Variants in HSF1 observed in about 807,000 individuals in gnomAD.
HSF1 encodes the protein heat shock transcription factor 1.
In HSF1, 32 loss-of-function variants were observed where a neutral mutation model predicts 51.7. That is an observed-to-expected ratio of 0.62 (90% CI 0.47 to 0.83). HSF1 has a LOEUF of 0.83. Ranked by LOEUF, HSF1 falls within the 40% of genes least tolerant of loss-of-function variation. The probability of loss-of-function intolerance (pLI) is 0.00; values close to 1 mark genes in which losing one functional copy is unlikely to be tolerated. For missense variants in HSF1, 727 were observed against 717.0 expected (o/e 1.01, Z -0.16); for synonymous variants, 396 against 309.7 (o/e 1.28, Z -2.92).
At position 144,313,533 on chromosome 8, in the gene HSF1, G is replaced by C. The variant is rs1554845482; in HGVS notation, c.1165G>C (p.Asp389His). The change falls in exon 10 of 13, where the codon GAT becomes CAT. Residue 389 changes from aspartate to histidine, a missense_variant. Physicochemically the swap from Asp to His is moderately conservative, Grantham distance 81. This residue lies in a region of HSF1 where 470 missense variants were observed against 398.8 expected (regional missense o/e 1.18). Coordinates refer to ENST00000528838, the MANE Select transcript of HSF1 (RefSeq NM_005526.4). ...LDKNELSDHL[D>H]AMDSNLDNLQ... is the part of the protein sequence containing the mutation. ...CAGGAATGAGCTCAGTGACCACTTG[G>C]ATGCTATGGACTCCAACCTGGATAA... The C allele has an allele frequency of 3.7e-6, 6 of 1,611,840 alleles. No homozygotes were observed. Among genetic ancestry groups the C allele is most frequent in the Non-Finnish European group, 8.5e-7 (1 of 1,178,990 alleles).
At chr8:144,307,303 G>A (rs1279095177) in intron 1 of HSF1, among the ~76,000 whole-genome samples, 2 of 152,254 alleles carry the variant, frequency 1.3e-5, no homozygotes, top group Admixed American at 6.5e-5. Context: ...TAGGTCAGAT[G>A]CTGACAGTCC....
chr8:144,296,124 G>A (rs1193247059), intron 1 of HSF1, among the ~76,000 whole-genome samples: 1 of 152,210 alleles, frequency 6.6e-6, no homozygotes, highest in African/African-American at 2.4e-5. Context: ...GAGGGTCTCT[G>A]GGTGGACAAT....
rs1554843869 is a variant in HSF1 at position 144,309,442 on chromosome 8, C to T, written c.227-13C>T. On this transcript the variant is annotated splice_polypyrimidine_tract_variant and intron_variant, in intron 2 of 12. Coordinates refer to ENST00000528838, the MANE Select transcript of HSF1 (RefSeq NM_005526.4). Reference sequence around the variant, plus strand: ...CCCTGAGGCAGAGCTGCCCCCTTCCCTGTTATGTGCAGATGGCTTCCGGAA... The same window carrying T: ...CCCTGAGGCAGAGCTGCCCCCTTCCTTGTTATGTGCAGATGGCTTCCGGAA... 2 of 1,613,650 alleles carry T rather than the reference C, an allele frequency of 1.2e-6. No homozygotes were observed. Among genetic ancestry groups the T allele is most frequent in the Non-Finnish European group, 1.7e-6 (2 of 1,179,924 alleles).
At chr8:144,312,731 G>A in intron 9 of HSF1, 1 of 1,532,050 alleles carries the variant, frequency 6.5e-7, no homozygotes, top group South Asian at 1.2e-5. Context: ...GACCCCACTG[G>A]GGAGGGAGGA....
In HSF1 at chr8:144,314,159, G is replaced by T; in HGVS notation, c.1419G>T (p.Leu473=). The part of the protein sequence containing the change: ...KQLVHYTAQP[L]FLLDPGSVDT... The stretch of plus-strand genomic sequence containing the variant: ...TGGTGCACTACACAGCGCAGCCGCT[G>T]TTCCTGCTGGACCCCGGCTCCGTGG... Residue 473 remains leucine (L), a synonymous_variant, in exon 13 of 13, where the codon CTG becomes CTT. Transcript: ENST00000528838. The T allele has an allele frequency of 6.5e-7, 1 of 1,546,614 alleles. No individual in the cohort carries two copies. The highest frequency in any genetic ancestry group is 1.2e-5 in the South Asian group (1 of 83,948).
chr8:144,310,836 G>C (rs137935564), intron 4 of HSF1: 1 of 365,018 alleles, frequency 2.7e-6, no homozygotes, highest in African/African-American at 2.1e-5. Context: ...CCTTGGAAGG[G>C]CGGCCCAAGG....
rs1170616819 is a variant in HSF1, at chr8:144,291,607, T to C, written c.-151T>C. ...GCGGCGGCGGCGGGAGCGCGCCCGT[T>C]GCAAGATGGCGGCGGCCATGCTGGG... is the stretch of plus-strand genomic sequence containing the variant. On this transcript the variant is annotated 5_prime_UTR_variant, in exon 1 of 13. Transcript: ENST00000528838. The surrounding 1 kb of genome is among the most constrained non-coding windows in gnomAD (Gnocchi z 4.1). 14 of 333,222 alleles carry C rather than the reference T, an allele frequency of 4.2e-5. No homozygotes were observed. The highest frequency in any genetic ancestry group is 6.8e-5 in the Non-Finnish European group (14 of 206,764). 20.6% of individuals were successfully genotyped at this position (333,222 alleles called of 1,614,324 possible).
Position 144,313,849 on chromosome 8 carries a change from T to A in HSF1, c.1252T>A (p.Phe418Ile). ...GACTTCCCTCCCTCCTCCGCAGCTG[T>A]TCAGCCCCTCGGTGACCGTGCCCGA... ...SVDTSALLDL[F>I]SPSVTVPDMS... The change falls in exon 11 of 13, where the codon TTC becomes ATC. Residue 418 changes from phenylalanine (F) to isoleucine (I), a missense_variant. Around this residue, in one of 2 missense-constraint regions of HSF1, gnomAD observed 470 missense variants for 398.8 expected, o/e 1.18. Transcript: ENST00000528838. 6.3e-7 allele frequency: 1 copy of A among 1,580,048 alleles called. No homozygotes were observed. The highest frequency in any genetic ancestry group is 8.6e-7 in the Non-Finnish European group (1 of 1,168,024).
Position 144,313,842 on chromosome 8 carries a change from G to T in HSF1, c.1249-4G>T. The T allele has an allele frequency of 6.4e-7, 1 of 1,574,172 alleles. No individual in the cohort carries two copies. On this transcript the variant is annotated splice_region_variant and splice_polypyrimidine_tract_variant and intron_variant, in intron 10 of 12. Transcript: ENST00000528838. ...CTGTTCTGACTTCCCTCCCTCCTCCGCAGCTGTTCAGCCCCTCGGTGACCG... is the reference window on the plus strand; with the variant it reads ...CTGTTCTGACTTCCCTCCCTCCTCCTCAGCTGTTCAGCCCCTCGGTGACCG...
At chr8:144,309,123 A>G in intron 2 of HSF1, 109 bp downstream of exon 2, 1 of 907,106 alleles carries the variant, frequency 1.1e-6, no homozygotes, top group Admixed American at 2.0e-5. Flanking sequence ...GTGCTGGCCA[A>G]GGGCATGGCG....
chr8:144,312,772 C>T, intron 9 of HSF1: 1 of 1,421,492 alleles, frequency 7.0e-7, no homozygotes, highest in Non-Finnish European at 9.6e-7. Context: ...CCCTCCCACA[C>T]AGCCGTGGAC....
intron 1 of HSF1, among the ~76,000 whole-genome samples, chr8:144,305,568 T>C (rs1181725151): frequency 6.6e-6 from 1 of 152,192 alleles, no homozygotes; most frequent in African/African-American, 2.4e-5. Context: ...CCCAAAGTGC[T>C]GAGATTACAG....
chr8:144,310,826 C>A lies in HSF1; in HGVS notation c.489-348C>A, dbSNP rs566300576. On this transcript the variant is annotated intron_variant, in intron 4 of 12. Coordinates refer to ENST00000528838, the MANE Select transcript of HSF1 (RefSeq NM_005526.4). ...TCCTCCCTTAACCTGGCTGCTCAGG[C>A]CTTGGAAGGGCGGCCCAAGGGTCTG... 5 of 353,098 alleles carry A rather than the reference C, an allele frequency of 1.4e-5. No individual in the cohort carries two copies. In the Admixed American group the frequency reaches 1.7e-4, roughly 12 times the overall value. The allele number at this position is 353,098 out of a possible 1,614,324, so 21.9% of individuals were successfully genotyped here. A position where few individuals can be genotyped will look rare whatever the true frequency, so the allele number is the denominator to read the frequency against.
intron 1 of HSF1, among the ~76,000 whole-genome samples, chr8:144,296,968 C>G (rs1815511442): frequency 6.6e-6 from 1 of 151,928 alleles, no homozygotes; most frequent in Admixed American, 6.6e-5. Flanking sequence ...CACAGAAGGG[C>G]TGAGCTGCAG....
At chr8:144,296,477 T>C (rs35576789) in intron 1 of HSF1, among the ~76,000 whole-genome samples, 1 of 151,918 alleles carries the variant, frequency 6.6e-6, no homozygotes, top group Non-Finnish European at 1.5e-5. Context: ...GCCCGGACCA[T>C]AGTGCCTCCT....
chr8:144,310,136 C>G, intron 4 of HSF1: 2 of 514,374 alleles, frequency 3.9e-6, no homozygotes. Flanking sequence ...TCTGCACATC[C>G]CCAGCGCCCT....
Position 144,311,685 on chromosome 8 carries a change from T to C in HSF1, c.724-15T>C. ...CCCTGCCGGCACTGCATGGACCTCC[T>C]GCCTTTGATTGCAGGCCCCCTCCCC... On this transcript the variant is annotated splice_polypyrimidine_tract_variant and intron_variant, in intron 7 of 12. Transcript: ENST00000528838. 6.2e-7 allele frequency: 1 copy of C among 1,609,062 alleles called. No individual in the cohort carries two copies. The highest frequency in any genetic ancestry group is 8.5e-7 in the Non-Finnish European group (1 of 1,177,644).
intron 1 of HSF1, among the ~76,000 whole-genome samples, chr8:144,298,167 G>C (rs1815595683): frequency 6.6e-6 from 1 of 152,178 alleles, no homozygotes; most frequent in Admixed American, 6.5e-5. Context: ...GAAGATGAGA[G>C]AGACACTGGG....
chr8:144,300,942 G>A (rs1416211962), intron 1 of HSF1, among the ~76,000 whole-genome samples: 6 of 152,116 alleles, frequency 3.9e-5, no homozygotes, highest in Non-Finnish European at 7.3e-5. Context: ...TCACCGGAGC[G>A]GTTTAACAAA....
Sources: allele counts gnomAD v4.1 joint callset (sites outside exome capture counted in the v4.1 genomes callset), GRCh38; gene constraint gnomAD v4.1.1; regional missense constraint gnomAD v4.1.1; non-coding constraint Gnocchi (gnomAD v3.1); transcripts MANE v1.5; gene names NCBI Gene and HGNC (gene_info 2026-07-23, HGNC 2026-07-21).